GALNT5: variants seen among roughly 807,000 people sequenced by gnomAD.
The protein encoded by GALNT5 is polypeptide N-acetylgalactosaminyltransferase 5.
A neutral mutation model predicts 85.4 loss-of-function variants in GALNT5; 72 were observed. The ratio of observed to expected loss-of-function variants is 0.84; its 90% CI spans 0.70 to 1.03. The LOEUF is 1.03. Ranked by LOEUF, GALNT5 falls within the 50% of genes least tolerant of loss-of-function variation. The pLI is 0.00. For missense variants in GALNT5, 1,137 were observed against 1,135.5 expected (o/e 1.00, Z -0.02); for synonymous variants, 404 against 397.0 (o/e 1.02, Z -0.21).
At chr2:157,275,286 C>T (rs1379661226) in intron 1 of GALNT5, among the ~76,000 whole-genome samples, 3 of 152,002 alleles carry the variant, frequency 2.0e-5, no homozygotes, top group Admixed American at 6.6e-5. Flanking sequence ...TTGTTCTTTT[C>T]GCTTGGGATT....
rs116049428 is a variant in GALNT5, at chr2:157,291,947, C to A, written c.1742-3716C>A. ...TTTGAGGTGATTGATATGCTAATTA[C>A]CCTGATTTGATCACTACACACTTTA... On this transcript the variant is annotated intron_variant, in intron 3 of 9. Coordinates refer to ENST00000259056, the MANE Select transcript of GALNT5 (RefSeq NM_014568.3). 9.1e-3 allele frequency among the ~76,000 whole-genome samples: 1,390 copies of A among 152,174 alleles called. 20 individuals are homozygous for A. The highest frequency in any genetic ancestry group is 0.032 in the African/African-American group (1,310 of 41,510).
chr2:157,293,993 A>C (rs1683157211), intron 3 of GALNT5, among the ~76,000 whole-genome samples: 1 of 152,192 alleles, frequency 6.6e-6, no homozygotes, highest in Admixed American at 6.5e-5. Flanking sequence ...CTTAAGTGGG[A>C]ATAAAAATTA....
Position 157,258,777 on chromosome 2 carries a change from A to G in GALNT5, c.695A>G (p.Gln232Arg). 6.2e-7 allele frequency: 1 copy of G among 1,608,640 alleles called. No homozygotes were observed. The highest frequency in any genetic ancestry group is 1.1e-5 in the South Asian group (1 of 90,884). Residue 232 changes from glutamine to arginine, a missense_variant, in exon 1 of 10, where the codon CAG becomes CGG. By Grantham distance (43) the Gln-to-Arg change is conservative. Transcript: ENST00000259056. ...LSTDRPKQRSQAVANERAHPA... is the reference protein window; with the variant it reads ...LSTDRPKQRSRAVANERAHPA... ...ACTGATAGACCAAAGCAGCGATCAC[A>G]GGCAGTAGCAAACGAGAGGGCACAC...
chr2:157,259,577 T>G, intron 1 of GALNT5, 41 bp downstream of exon 1: 1 of 1,300,348 alleles, frequency 7.7e-7, no homozygotes, highest in Non-Finnish European at 9.9e-7. Context: ...CCCCAAGTGC[T>G]TTGGCTGTTA....
intron 8 of GALNT5, 91 bp downstream of exon 8, chr2:157,305,920 C>A: frequency 1.4e-6 from 1 of 725,228 alleles, no homozygotes; most frequent in Non-Finnish European, 2.4e-6. Flanking sequence ...CTTTGCCCAA[C>A]AGAAAAATAA....
At chr2:157,282,409 T>C (rs1682876270) in intron 1 of GALNT5, among the ~76,000 whole-genome samples, 1 of 152,184 alleles carries the variant, frequency 6.6e-6, no homozygotes. Context: ...TCAGCAAACC[T>C]TGTAAATTGA....
rs146043320 is a variant in GALNT5 at position 157,317,762 on chromosome 2, A to G, written c.*6414A>G. Among the ~76,000 whole-genome samples the G allele has an allele frequency of 4.0e-3, 615 of 152,196 alleles. 1 individual carries two copies. The highest frequency in any genetic ancestry group is 6.8e-3 in the Middle Eastern group (2 of 294). ...TCTCCTGTGCTGGCAGTTAGCTACT[A>G]GAGATCATCATTTGATTTTGTAGTT... On this transcript the variant is annotated 3_prime_UTR_variant, in exon 10 of 10. Transcript: ENST00000259056.
chr2:157,294,435 G>A (rs918809264), intron 3 of GALNT5, among the ~76,000 whole-genome samples: 1 of 152,198 alleles, frequency 6.6e-6, no homozygotes, highest in Admixed American at 6.5e-5. Context: ...ACTGAATAGT[G>A]AGTCAGAGTC....
chr2:157,299,461 C>A, intron 5 of GALNT5, 87 bp from the exon 6 acceptor site: 1 of 754,718 alleles, frequency 1.3e-6, no homozygotes, highest in Non-Finnish European at 2.3e-6. Flanking sequence ...AAGCCTCCTA[C>A]CTCCCGTACA....
chr2:157,262,684 G>A (rs988498147), intron 1 of GALNT5, among the ~76,000 whole-genome samples: 4 of 151,320 alleles, frequency 2.6e-5, no homozygotes, highest in African/African-American at 9.8e-5. Context: ...GAGGAGACAG[G>A]CAGGGATTTC....
chr2:157,264,935 C>T (rs1558889370), intron 1 of GALNT5, among the ~76,000 whole-genome samples: 1 of 151,886 alleles, frequency 6.6e-6, no homozygotes, highest in Admixed American at 6.6e-5. Context: ...GATTTTGTGA[C>T]TAATAGTGAT....
chr2:157,310,219 C>T (rs1438116886), intron 9 of GALNT5, among the ~76,000 whole-genome samples: 30 of 152,204 alleles, frequency 2.0e-4, no homozygotes, highest in Non-Finnish European at 2.9e-5. Flanking sequence ...GAACATTTTA[C>T]ACAGCTGCCT....
intron 5 of GALNT5, chr2:157,299,172 C>T (rs1683284515): frequency 6.5e-6 from 1 of 155,014 alleles, no homozygotes; most frequent in Non-Finnish European, 1.4e-5. Context: ...GTTGCAGATT[C>T]TTAATAATTG....
At chr2:157,296,337 G>C in intron 4 of GALNT5, 57 bp from the exon 5 acceptor site, 1 of 1,392,274 alleles carries the variant, frequency 7.2e-7, no homozygotes, top group Non-Finnish European at 1.0e-6. Context: ...AATCGATAAA[G>C]TATATAAAGA....
At position 157,261,292 on chromosome 2, in the gene GALNT5, G is replaced by C. The variant is rs755272351; in HGVS notation, c.1454+1756G>C. ...GAAAAGGCACATGCGTGGCGGGGGT[G>C]GGGGTGCTCAAAGCAAGTAATAACG... On this transcript the variant is annotated intron_variant, in intron 1 of 9. Transcript: ENST00000259056. Among the ~76,000 whole-genome samples the C allele has an allele frequency of 1.7e-4, 26 of 152,306 alleles. No homozygotes were observed. The Middle Eastern group carries it at 0.014, about 80-fold the overall frequency.
intron 5 of GALNT5, chr2:157,299,077 C>T: frequency 6.4e-6 from 1 of 157,158 alleles, no homozygotes. Context: ...AAGGAGACAG[C>T]CGCCTAGCCA....
chr2:157,287,412 C>G (rs1472045830), intron 3 of GALNT5, among the ~76,000 whole-genome samples: 1 of 152,018 alleles, frequency 6.6e-6, no homozygotes, highest in African/African-American at 2.4e-5. Context: ...TCCTCCCTTT[C>G]CCCTCAATCT....
At chr2:157,311,152 T>C (rs1031232296) in intron 9 of GALNT5, 56 bp from the exon 10 acceptor site, 1 of 1,329,912 alleles carries the variant, frequency 7.5e-7, no homozygotes, top group Non-Finnish European at 1.1e-6. Flanking sequence ...CATTTCTTCA[T>C]ATTGCAGTTA....
chr2:157,312,709 A>C lies in GALNT5; in HGVS notation c.*1361A>C, dbSNP rs1683601888. The C allele has an allele frequency of 6.6e-6, 1 of 152,128 alleles. No individual in the cohort carries two copies. The highest frequency in any genetic ancestry group is 1.5e-5 in the Non-Finnish European group (1 of 67,998). 9.4% of individuals were successfully genotyped at this position (152,128 alleles called of 1,614,324 possible). ...TAAAACCCAGGCAAGTTAGTCAAAG[A>C]ATCAAGATTAGAATTCAGGTTTCCA... On this transcript the variant is annotated 3_prime_UTR_variant, in exon 10 of 10. Coordinates refer to ENST00000259056, the MANE Select transcript of GALNT5 (RefSeq NM_014568.3).
Sources: allele counts gnomAD v4.1 joint callset (sites outside exome capture counted in the v4.1 genomes callset), GRCh38; gene constraint gnomAD v4.1.1; transcripts MANE v1.5; gene names NCBI Gene and HGNC (gene_info 2026-07-23, HGNC 2026-07-21).